Variants in PDE10A observed in about 807,000 individuals in gnomAD.
The protein encoded by PDE10A is phosphodiesterase 10A.
In PDE10A, 39 loss-of-function variants were observed where a neutral mutation model predicts 97.7. The observed-to-expected ratio is 0.40, with a 90% CI of 0.31 to 0.52. The LOEUF (loss-of-function observed/expected upper bound fraction) is 0.52, where lower values mean the gene tolerates loss of function less well. Ranked by LOEUF, PDE10A falls within the 20% of genes least tolerant of loss-of-function variation. PDE10A has a pLI of 0.56. For missense variants in PDE10A, 731 were observed against 1,047.8 expected (o/e 0.70, Z 4.17); for synonymous variants, 371 against 376.8 (o/e 0.98, Z 0.18).
chr6:165,830,435 G>A (rs558196455), intron 1 of PDE10A, among the ~76,000 whole-genome samples: 4 of 151,988 alleles, frequency 2.6e-5, no homozygotes, highest in Admixed American at 6.5e-5. Flanking sequence ...GGTCCCTTCC[G>A]AAATAACTCA....
intron 1 of PDE10A, among the ~76,000 whole-genome samples, chr6:165,913,333 G>A (rs1429999236): frequency 6.6e-6 from 1 of 150,452 alleles, no homozygotes; most frequent in African/African-American, 2.5e-5. Context: ...AGTGTTCATG[G>A]GAGTTCCAGG....
chr6:165,547,274 G>C (rs768684609), intron 1 of PDE10A, among the ~76,000 whole-genome samples: 2 of 151,986 alleles, frequency 1.3e-5, no homozygotes, highest in Non-Finnish European at 2.9e-5. Context: ...TCATTTTTCA[G>C]CATCTGGCAG....
intron 1 of PDE10A, among the ~76,000 whole-genome samples, chr6:165,838,461 G>A (rs559867855): frequency 6.6e-6 from 1 of 152,150 alleles, no homozygotes; most frequent in Admixed American, 6.5e-5. Flanking sequence ...CAATCCAGTG[G>A]TTTTTAGTAT....
chr6:165,577,500 A>T (rs1467356816), intron 1 of PDE10A, among the ~76,000 whole-genome samples: 1 of 152,120 alleles, frequency 6.6e-6, no homozygotes, highest in Non-Finnish European at 1.5e-5. Context: ...AATGGGCTAT[A>T]AAGGCCCCAC....
intron 1 of PDE10A, among the ~76,000 whole-genome samples, chr6:165,868,174 G>A (rs1199105513): frequency 6.6e-6 from 1 of 151,870 alleles, no homozygotes; most frequent in Non-Finnish European, 1.5e-5. Context: ...TAAGATTAGA[G>A]TAGAACTAAA....
At chr6:165,430,381 T>C in intron 8 of PDE10A, 36 bp from the exon 9 acceptor site, 2 of 1,326,442 alleles carry the variant, frequency 1.5e-6, no homozygotes, top group South Asian at 2.5e-5. Flanking sequence ...TTACAAGAGA[T>C]TTCTGCTTAT....
rs869115346 is a variant in PDE10A, at chr6:165,655,207, G to GC, written c.865+6739_865+6740insG. 9.1e-3 allele frequency among the ~76,000 whole-genome samples: 2 copies of GC among 220 alleles called. No homozygotes were observed. Among genetic ancestry groups the GC allele is most frequent in the East Asian group, 0.25 (2 of 8 alleles). The allele number at this position is 220 out of a possible 152,430, so 0.1% of individuals were successfully genotyped here. A position where few individuals can be genotyped will look rare whatever the true frequency, so the allele number is the denominator to read the frequency against. ...ACTGAGGCATCTATATACTGTCCTTGGGGCATCCAATCCCATGATTTTAGA... is the reference window on the plus strand; with the variant it reads ...ACTGAGGCATCTATATACTGTCCTTGCGGGCATCCAATCCCATGATTTTAGA... On this transcript the variant is annotated intron_variant, in intron 1 of 21. Transcript: ENST00000539869. The surrounding 1 kb of genome is among the most constrained non-coding windows in gnomAD (Gnocchi z 4.5).
intron 1 of PDE10A, among the ~76,000 whole-genome samples, chr6:165,947,720 G>A (rs1033281391): frequency 6.6e-6 from 1 of 152,108 alleles, no homozygotes; most frequent in African/African-American, 2.4e-5. Context: ...GCATTAATAT[G>A]CTATAACCAC....
chr6:165,398,362 T>C (rs1786343543), intron 13 of PDE10A, among the ~76,000 whole-genome samples: 1 of 152,048 alleles, frequency 6.6e-6, no homozygotes, highest in Admixed American at 6.6e-5. Flanking sequence ...ACACCTGTAA[T>C]CCTAGCTACT....
chr6:165,612,558 C>T (rs1217839192), intron 1 of PDE10A, among the ~76,000 whole-genome samples: 1 of 152,048 alleles, frequency 6.6e-6, no homozygotes, highest in African/African-American at 2.4e-5. Context: ...CCAGTAGAGA[C>T]GGGTTTTTGC....
intron 3 of PDE10A, among the ~76,000 whole-genome samples, chr6:165,461,249 G>A (rs1475238490): frequency 6.6e-6 from 1 of 152,160 alleles, no homozygotes; most frequent in East Asian, 1.9e-4. Flanking sequence ...CAAAAAATTG[G>A]CCTTTAATAA....
chr6:165,515,481 T>C (rs1781741305), intron 2 of PDE10A, among the ~76,000 whole-genome samples: 1 of 148,632 alleles, frequency 6.7e-6, no homozygotes, highest in Admixed American at 6.6e-5. Flanking sequence ...AAAATAAAAT[T>C]TATAGTATAC....
intron 19 of PDE10A, among the ~76,000 whole-genome samples, chr6:165,339,657 G>C (rs185330092): frequency 6.6e-6 from 1 of 152,128 alleles, no homozygotes; most frequent in East Asian, 1.9e-4. Context: ...ACAGTGAGGA[G>C]AAATAACAAT....
chr6:165,342,372 C>T (rs532846216), intron 19 of PDE10A, among the ~76,000 whole-genome samples: 1 of 152,288 alleles, frequency 6.6e-6, no homozygotes, highest in Non-Finnish European at 1.5e-5. Flanking sequence ...TAGGTTCTGA[C>T]ACATACACAA....
intron 1 of PDE10A, among the ~76,000 whole-genome samples, chr6:165,582,077 T>C (rs1785644857): frequency 6.6e-6 from 1 of 152,184 alleles, no homozygotes; most frequent in Non-Finnish European, 1.5e-5. Flanking sequence ...CTTAAGCAGG[T>C]AGACAATAAG....
intron 1 of PDE10A, among the ~76,000 whole-genome samples, chr6:165,834,912 G>A (rs1780027507): frequency 2.0e-5 from 3 of 152,330 alleles, no homozygotes; most frequent in South Asian, 4.1e-4. Flanking sequence ...AGCTTCCTTC[G>A]GCTCAGTGCA....
chr6:165,447,487 G>A (rs1342074539), intron 5 of PDE10A, among the ~76,000 whole-genome samples: 1 of 152,222 alleles, frequency 6.6e-6, no homozygotes, highest in Non-Finnish European at 1.5e-5. Flanking sequence ...GGCTGCTGGA[G>A]GCGGCTCAGA....
intron 1 of PDE10A, among the ~76,000 whole-genome samples, chr6:165,544,801 T>C (rs1783652738): frequency 6.6e-6 from 1 of 151,548 alleles, no homozygotes. Flanking sequence ...ATGAAATTGG[T>C]AGTTAAATAG....
intron 13 of PDE10A, among the ~76,000 whole-genome samples, chr6:165,401,690 C>G (rs1011721696): frequency 6.6e-6 from 1 of 152,162 alleles, no homozygotes; most frequent in Non-Finnish European, 1.5e-5. Context: ...AGGCTGGACA[C>G]TGCTGTCACC....
Sources: gnomAD v4.1 joint callset for allele counts (sites outside exome capture counted in the v4.1 genomes callset) on GRCh38, gnomAD v4.1.1 for gene constraint, Gnocchi (gnomAD v3.1) non-coding constraint, MANE v1.5 for transcripts, NCBI Gene and HGNC (gene_info 2026-07-23, HGNC 2026-07-21) for gene names.